The following SHISAL1 variants were observed in gnomAD, a reference collection of about 807,000 sequenced individuals.
SHISAL1 encodes shisa like 1.
SHISAL1 carries 9 observed loss-of-function variants against 22.6 expected under a neutral mutation model. The ratio of observed to expected loss-of-function variants is 0.40; its 90% CI spans 0.24 to 0.70. The LOEUF (loss-of-function observed/expected upper bound fraction) is 0.70. Ranked by LOEUF, SHISAL1 falls within the 30% of genes least tolerant of loss-of-function variation. SHISAL1 has a pLI of 0.39. For missense variants in SHISAL1, 246 were observed against 270.6 expected (o/e 0.91, Z 0.64); for synonymous variants, 119 against 115.4 (o/e 1.03, Z -0.20).
chr22:44,282,575 G>A (rs149901871), intron 4 of SHISAL1, among the ~76,000 whole-genome samples: 1 of 152,352 alleles, frequency 6.6e-6, no homozygotes, highest in East Asian at 1.9e-4. Context: ...TGAGGAGCTG[G>A]AGAAGCTGGA....
chr22:44,262,404 T>C (rs1021366712), intron 4 of SHISAL1, among the ~76,000 whole-genome samples: 2 of 152,160 alleles, frequency 1.3e-5, no homozygotes, highest in Admixed American at 6.5e-5. Context: ...TGGAAGATCA[T>C]GCCTAATTCT....
intron 1 of SHISAL1, 107 bp downstream of exon 1, chr22:44,312,644 C>T (rs866267842): frequency 6.6e-6 from 1 of 152,324 alleles, no homozygotes; most frequent in Non-Finnish European, 1.5e-5. Flanking sequence ...CTGGCTTCTC[C>T]CTTAGACCCA....
intron 4 of SHISAL1, among the ~76,000 whole-genome samples, chr22:44,267,100 GGGACATCGCAGGAGCGACAGGCAGA>G (rs1458062937): frequency 1.3e-5 from 2 of 152,180 alleles, no homozygotes; most frequent in East Asian, 3.9e-4. Context: ...CTGCAGGCAG[GGGACATCGCAGGAGCGACAGGCAGA>G]GGGCAGGGCA....
intron 4 of SHISAL1, among the ~76,000 whole-genome samples, chr22:44,250,197 A>G (rs549556427): frequency 1.3e-5 from 2 of 152,354 alleles, no homozygotes; most frequent in South Asian, 2.1e-4. Flanking sequence ...TTATCCTCAA[A>G]AGTATTCTGA....
In SHISAL1 at chr22:44,270,729, G is replaced by T. The variant is rs112388927; in HGVS notation, c.599+14699C>A. 9.1e-4 allele frequency among the ~76,000 whole-genome samples: 139 copies of T among 152,244 alleles called. 2 individuals are homozygous for T. Among genetic ancestry groups the T allele is most frequent in the African/African-American group, 3.1e-3 (129 of 41,536 alleles). ...GACGGAAAACCCAAGGACGCTGGGG[G>T]CCCTGGTGCACCCCTGCAGCTGTGC... On this transcript the variant is annotated intron_variant, in intron 4 of 4. Transcript: ENST00000381176.
At chr22:44,271,908 C>T (rs1003229745) in intron 4 of SHISAL1, among the ~76,000 whole-genome samples, 4 of 152,224 alleles carry the variant, frequency 2.6e-5, no homozygotes, top group Non-Finnish European at 4.4e-5. Flanking sequence ...CCCCCAGATT[C>T]GCCTGGGCCT....
At chr22:44,315,229 T>C (rs892895986), upstream of SHISAL1, among the ~76,000 whole-genome samples, 8 of 151,704 alleles carry the variant, frequency 5.3e-5, no homozygotes, top group Admixed American at 2.6e-4. Flanking sequence ...GTCTGGAAAA[T>C]AGAATAGAAA....
intron 2 of SHISAL1, among the ~76,000 whole-genome samples, chr22:44,300,587 G>A (rs2055421210): frequency 6.6e-6 from 1 of 152,190 alleles, no homozygotes; most frequent in Non-Finnish European, 1.5e-5. Flanking sequence ...AGGGGCAAAG[G>A]AGAGAATGTG....
intron 2 of SHISAL1, among the ~76,000 whole-genome samples, chr22:44,298,120 C>T (rs1214208782): frequency 3.3e-5 from 5 of 152,172 alleles, no homozygotes; most frequent in African/African-American, 9.6e-5. Context: ...ATGACCACTG[C>T]GAGAGAAAGG....
intron 4 of SHISAL1, among the ~76,000 whole-genome samples, chr22:44,254,846 T>G (rs7286955): frequency 6.6e-6 from 1 of 151,934 alleles, no homozygotes; most frequent in Non-Finnish European, 1.5e-5. Flanking sequence ...TGCTCTCCAG[T>G]TTCACTTCTC....
the SHISAL1 span, among the ~76,000 whole-genome samples, chr22:44,331,554 C>A: frequency 2.7e-5 from 4 of 150,308 alleles, no homozygotes; most frequent in South Asian, 8.3e-4. This position sits in a 1 kb window ranked among gnomAD's most constrained non-coding sequence, Gnocchi z 5.2. Flanking sequence ...CCCGCGGGAG[C>A]CGCCTGCTGG....
At chr22:44,320,247 C>A in the SHISAL1 span, among the ~76,000 whole-genome samples, 2 of 152,180 alleles carry the variant, frequency 1.3e-5, no homozygotes, top group Non-Finnish European at 2.9e-5. Context: ...CCTGTTGGAA[C>A]ACAAACGTCC....
intron 1 of SHISAL1, among the ~76,000 whole-genome samples, chr22:44,306,479 CA>C (rs2055474615): frequency 1.5e-5 from 2 of 135,144 alleles, no homozygotes; most frequent in African/African-American, 5.5e-5. Context: ...GACCTGGGCT[CA>C]GGGAGCTGTG....
In SHISAL1 at chr22:44,252,992, T is replaced by A. The variant is rs548742022; in HGVS notation, c.*-3307A>T. On this transcript the variant is annotated intron_variant, in intron 4 of 4. Coordinates refer to ENST00000381176, the MANE Select transcript of SHISAL1 (RefSeq NM_001099294.2). Reference sequence around the variant, plus strand: ...GCCTGGGTGACAGAGTGAGACTCCATCTTAAAAAAAATAAAAAAAATAAAA... The same window carrying A: ...GCCTGGGTGACAGAGTGAGACTCCAACTTAAAAAAAATAAAAAAAATAAAA... Among the ~76,000 whole-genome samples, 3 of 151,110 alleles carry A rather than the reference T, an allele frequency of 2.0e-5. No individual in the cohort carries two copies. In the East Asian group the frequency reaches 5.8e-4, roughly 29 times the overall value.
chr22:44,329,930 G>A, the SHISAL1 span, among the ~76,000 whole-genome samples: 1 of 152,214 alleles, frequency 6.6e-6, no homozygotes, highest in Admixed American at 6.5e-5. Flanking sequence ...TTCCCAGCAA[G>A]GTTTGGACAA....
At chr22:44,300,827 AG>A in intron 2 of SHISAL1, 51 bp downstream of exon 2, 3 of 1,490,556 alleles carry the variant, frequency 2.0e-6, no homozygotes, top group Non-Finnish European at 2.8e-6. Context: ...TCTCAGGAAG[AG>A]CCCACACCCC....
chr22:44,323,276 TC>T, the SHISAL1 span, among the ~76,000 whole-genome samples: 1 of 135,386 alleles, frequency 7.4e-6, no homozygotes, highest in Non-Finnish European at 1.6e-5. Flanking sequence ...CATCCATCCA[TC>T]CATCCATCCA....
chr22:44,293,680 A>G (rs1024031429), intron 3 of SHISAL1, among the ~76,000 whole-genome samples: 11 of 152,174 alleles, frequency 7.2e-5, no homozygotes, highest in Admixed American at 6.5e-4. Context: ...AAGTGACTCA[A>G]CTGCTCTGTG....
chr22:44,317,181 C>T (rs990694146), upstream of SHISAL1, among the ~76,000 whole-genome samples: 8 of 152,146 alleles, frequency 5.3e-5, no homozygotes, highest in African/African-American at 1.9e-4. Flanking sequence ...CACCCACACT[C>T]TGTGTAATTG....
Sources: allele counts gnomAD v4.1 joint callset (sites outside exome capture counted in the v4.1 genomes callset), GRCh38; gene constraint gnomAD v4.1.1; non-coding constraint Gnocchi (gnomAD v3.1); transcripts MANE v1.5; gene names NCBI Gene and HGNC (gene_info 2026-07-23, HGNC 2026-07-21).